Variants in SNTG1 observed in about 807,000 individuals in gnomAD.
SNTG1 encodes syntrophin gamma 1, also known as gamma-1-syntrophin.
Under a neutral mutation model 74.7 loss-of-function variants are expected in SNTG1, and 39 were observed. That is an observed-to-expected ratio of 0.52 (90% confidence interval 0.40 to 0.68). The LOEUF is 0.68. Ranked by LOEUF, SNTG1 falls within the 30% of genes least tolerant of loss-of-function variation. The pLI is 0.00. For synonymous variants in SNTG1, 254 were observed against 217.1 expected, an observed-to-expected ratio of 1.17 and a Z score of -1.49; for missense variants, 685 against 609.5, an observed-to-expected ratio of 1.12 and a Z score of -1.30.
chr8:50,522,037 C>A (rs2094183730), intron 9 of SNTG1, among the ~76,000 whole-genome samples: 1 of 152,118 alleles, frequency 6.6e-6, no homozygotes, highest in Admixed American at 6.6e-5. Context: ...AATGGAGAAT[C>A]ATTTCCAGAA....
At chr8:50,720,036 A>G (rs1362961368) in intron 17 of SNTG1, among the ~76,000 whole-genome samples, 2 of 152,194 alleles carry the variant, frequency 1.3e-5, no homozygotes, top group African/African-American at 2.4e-5. Context: ...TAGACAATTT[A>G]GTTCAATCTT....
At chr8:50,603,728 G>A (rs2094792233) in intron 13 of SNTG1, among the ~76,000 whole-genome samples, 1 of 152,154 alleles carries the variant, frequency 6.6e-6, no homozygotes, top group Non-Finnish European at 1.5e-5. Context: ...AGACTCATAG[G>A]TGTGCTGACT....
intron 2 of SNTG1, among the ~76,000 whole-genome samples, chr8:50,178,242 T>C (rs2083071489): frequency 6.6e-6 from 1 of 152,182 alleles, no homozygotes; most frequent in South Asian, 2.1e-4. Context: ...TGCAAAGCTG[T>C]TTTCCAATGT....
intron 2 of SNTG1, among the ~76,000 whole-genome samples, chr8:50,244,577 A>C (rs2086307155): frequency 6.6e-6 from 1 of 152,158 alleles, no homozygotes; most frequent in African/African-American, 2.4e-5. Context: ...GAGCATGTTT[A>C]ATTTTCTGTT....
intron 4 of SNTG1, among the ~76,000 whole-genome samples, chr8:50,427,011 G>A (rs937794503): frequency 1.3e-5 from 2 of 152,054 alleles, no homozygotes; most frequent in Non-Finnish European, 2.9e-5. Context: ...TAAATACTAT[G>A]CCATCTTATA....
At chr8:50,258,756 A>G (rs562062182) in intron 2 of SNTG1, among the ~76,000 whole-genome samples, 7 of 152,182 alleles carry the variant, frequency 4.6e-5, no homozygotes, top group Non-Finnish European at 1.0e-4. Flanking sequence ...GAAAAAAAGA[A>G]GAAAGAAAAT....
chr8:50,643,262 T>C (rs2095085528), intron 13 of SNTG1, among the ~76,000 whole-genome samples: 1 of 152,216 alleles, frequency 6.6e-6, no homozygotes, highest in Admixed American at 6.5e-5. Context: ...GGTGTCTCTT[T>C]TTTCTTTCCT....
intron 2 of SNTG1, among the ~76,000 whole-genome samples, chr8:50,266,154 G>A (rs1028188228): frequency 2.0e-5 from 3 of 151,820 alleles, no homozygotes; most frequent in Admixed American, 2.0e-4. Context: ...ACAGAACAAA[G>A]TTGGAGGACT....
intron 9 of SNTG1, among the ~76,000 whole-genome samples, chr8:50,527,336 A>C (rs560925337): frequency 3.3e-5 from 5 of 152,056 alleles, no homozygotes; most frequent in African/African-American, 4.8e-5. Context: ...CAGAAGCTTT[A>C]TTTCCTTTTA....
chr8:49,912,139 T>C lies in SNTG1; in HGVS notation c.-195T>C, dbSNP rs578078704. 1 of 152,342 alleles carries C rather than the reference T, an allele frequency of 6.6e-6. No individual in the cohort carries two copies. Among genetic ancestry groups the C allele is most frequent in the East Asian group, 1.9e-4 (1 of 5,178 alleles). 9.4% of individuals were successfully genotyped at this position (152,342 alleles called of 1,614,324 possible). ...AATGGTCTTGAGTGGATTGCAACTG[T>C]TTTGGAAATAGCTTTGTGAAAAGAG... On this transcript the variant is annotated 5_prime_UTR_variant, in exon 1 of 19. Transcript: ENST00000642720.
intron 2 of SNTG1, among the ~76,000 whole-genome samples, chr8:50,325,441 A>C (rs1233670215): frequency 6.6e-6 from 1 of 152,062 alleles, no homozygotes; most frequent in Non-Finnish European, 1.5e-5. Flanking sequence ...ATTTTTAAAA[A>C]GATTTATGCT....
chr8:50,760,149 T>A (rs1164312885), intron 18 of SNTG1, among the ~76,000 whole-genome samples: 1 of 152,078 alleles, frequency 6.6e-6, no homozygotes. Flanking sequence ...TCCATTTGTC[T>A]GTCATTGCTT....
At chr8:50,154,316 G>A (rs947301448) in intron 1 of SNTG1, among the ~76,000 whole-genome samples, 32 of 152,082 alleles carry the variant, frequency 2.1e-4, no homozygotes, top group African/African-American at 6.5e-4. Flanking sequence ...CAATTTTCCA[G>A]GTACTGTCTG....
intron 16 of SNTG1, chr8:50,707,950 C>G: frequency 2.6e-6 from 1 of 389,058 alleles, no homozygotes; most frequent in Non-Finnish European, 4.5e-6. Context: ...CGCCTGTAAT[C>G]CCAGCACTTT....
At chr8:50,358,291 A>T (rs1378992752) in intron 2 of SNTG1, among the ~76,000 whole-genome samples, 1 of 151,902 alleles carries the variant, frequency 6.6e-6, no homozygotes, top group East Asian at 1.9e-4. Context: ...GAACGCTCAC[A>T]CTCCTACATC....
chr8:49,972,092 A>T (rs1409661727), intron 1 of SNTG1, among the ~76,000 whole-genome samples: 1 of 152,224 alleles, frequency 6.6e-6, no homozygotes, highest in Non-Finnish European at 1.5e-5. Flanking sequence ...AGCTGGAGGC[A>T]TCATGCTACC....
At chr8:50,717,835 C>T (rs1354569011) in intron 17 of SNTG1, among the ~76,000 whole-genome samples, 1 of 152,190 alleles carries the variant, frequency 6.6e-6, no homozygotes, top group African/African-American at 2.4e-5. Flanking sequence ...ATTTCTGCCC[C>T]TCACACACTG....
chr8:50,651,440 TA>T (rs1459745846), intron 13 of SNTG1, among the ~76,000 whole-genome samples: 1 of 152,194 alleles, frequency 6.6e-6, no homozygotes, highest in Non-Finnish European at 1.5e-5. Context: ...TAGTTCAAAC[TA>T]TTTTTTAACT....
At chr8:49,947,980 A>G (rs1189510258) in intron 1 of SNTG1, among the ~76,000 whole-genome samples, 1 of 151,960 alleles carries the variant, frequency 6.6e-6, no homozygotes, top group Non-Finnish European at 1.5e-5. Flanking sequence ...AAAATACAAA[A>G]ATTAGCTGGT....
Sources: gnomAD v4.1 joint callset for allele counts (sites outside exome capture counted in the v4.1 genomes callset) on GRCh38, gnomAD v4.1.1 for gene constraint, MANE v1.5 for transcripts, NCBI Gene and HGNC (gene_info 2026-07-23, HGNC 2026-07-21) for gene names.